Variants in NT5C2 observed in about 807,000 individuals in gnomAD.
NT5C2 encodes 5'-nucleotidase, cytosolic II.
In NT5C2, 58 loss-of-function variants were observed where a neutral mutation model predicts 76.1. That is an observed-to-expected ratio of 0.76 (90% CI 0.62 to 0.95). The LOEUF (loss-of-function observed/expected upper bound fraction) is 0.95, where lower values mean the gene tolerates loss of function less well. NT5C2 is among the 40% of genes least tolerant of loss of function. The probability of loss-of-function intolerance (pLI) is 0.00; values close to 1 mark genes in which losing one functional copy is unlikely to be tolerated. For synonymous variants in NT5C2, 229 were observed against 237.4 expected (o/e 0.96, Z 0.32); for missense variants, 478 against 690.3 (o/e 0.69, Z 3.45).
Position 103,136,452 on chromosome 10 carries a change from C to T in NT5C2, c.175+2954G>A, listed in dbSNP as rs144802797. 6.6e-5 allele frequency among the ~76,000 whole-genome samples: 10 copies of T among 152,218 alleles called. No homozygotes were observed. The East Asian group carries it at 9.6e-4, about 15-fold the overall frequency. On this transcript the variant is annotated intron_variant, in intron 4 of 18. Coordinates refer to ENST00000404739, the MANE Select transcript of NT5C2 (RefSeq NM_001351169.2). ...AATCTATGTAATAAAGCACTTGGAA[C>T]GGGTCCTGGCATATAATAAGTACTT...
At chr10:103,142,518 A>G (rs2080651259) in intron 3 of NT5C2, among the ~76,000 whole-genome samples, 1 of 152,036 alleles carries the variant, frequency 6.6e-6, no homozygotes, top group Non-Finnish European at 1.5e-5. Context: ...AAAAAATACA[A>G]AAAAAAGCTG....
At chr10:103,103,255 C>A (rs1348337669) in intron 6 of NT5C2, among the ~76,000 whole-genome samples, 1 of 152,222 alleles carries the variant, frequency 6.6e-6, no homozygotes, top group Non-Finnish European at 1.5e-5. Context: ...ATAAAAATCA[C>A]ATTAGCTCCC....
At chr10:103,183,262 G>GATATATATAT (rs201371414) in intron 1 of NT5C2, among the ~76,000 whole-genome samples, 7,389 of 73,016 alleles carry the variant, frequency 0.1, 591 homozygotes, top group African/African-American at 0.11. Flanking sequence ...GTGTGTGTGT[G>GATATATATAT]ATATATATAT....
intron 4 of NT5C2, among the ~76,000 whole-genome samples, chr10:103,129,664 G>A (rs1162349920): frequency 1.1e-5 from 1 of 88,026 alleles, no homozygotes; most frequent in Non-Finnish European, 2.5e-5. Flanking sequence ...CGCCCTGTCC[G>A]GGAGGTGAGG....
intron 4 of NT5C2, among the ~76,000 whole-genome samples, chr10:103,129,560 T>C (rs1591228581): frequency 8.9e-6 from 1 of 112,146 alleles, no homozygotes. Flanking sequence ...AGCCGCCCCG[T>C]CCGGGAGGGA....
chr10:103,090,264 C>A (rs1243280456), intron 18 of NT5C2: 2 of 335,128 alleles, frequency 6.0e-6, no homozygotes, highest in African/African-American at 2.1e-5. Context: ...GTCACCCAGG[C>A]TGGAGTACAG....
At chr10:103,120,696 G>C (rs1007278551) in intron 4 of NT5C2, among the ~76,000 whole-genome samples, 2 of 152,198 alleles carry the variant, frequency 1.3e-5, no homozygotes, top group Non-Finnish European at 2.9e-5. Flanking sequence ...TGGTGGGGAT[G>C]TAAGATGTTA....
intron 3 of NT5C2, among the ~76,000 whole-genome samples, chr10:103,161,206 C>T (rs2084786628): frequency 6.6e-6 from 1 of 152,132 alleles, no homozygotes; most frequent in Admixed American, 6.6e-5. Context: ...TAGACAAGGT[C>T]TCCCTCTGTC....
At chr10:103,134,866 C>T (rs2078889480) in intron 4 of NT5C2, among the ~76,000 whole-genome samples, 1 of 152,216 alleles carries the variant, frequency 6.6e-6, no homozygotes, top group African/African-American at 2.4e-5. Flanking sequence ...GGATGTGAGA[C>T]ACAGGGTCAA....
rs143761706 is a variant in NT5C2, at chr10:103,153,080, G to T, written c.102-13601C>A. Among the ~76,000 whole-genome samples the T allele has an allele frequency of 7.2e-4, 110 of 152,232 alleles. 1 individual carries two copies. Among genetic ancestry groups the T allele is most frequent in the African/African-American group, 2.6e-3 (107 of 41,534 alleles). ...ATCTTACAAAATTCCTATTAAGATT[G>T]CCCTTACTCAGTGCTGTCTTTCAAA... On this transcript the variant is annotated intron_variant, in intron 3 of 18. Coordinates refer to ENST00000404739, the MANE Select transcript of NT5C2 (RefSeq NM_001351169.2).
intron 3 of NT5C2, among the ~76,000 whole-genome samples, chr10:103,170,466 G>C (rs570875320): frequency 6.6e-6 from 1 of 151,000 alleles, no homozygotes; most frequent in East Asian, 1.9e-4. Flanking sequence ...CATTCCAAAT[G>C]AGTTAGGAGT....
chr10:103,096,343 A>C lies in NT5C2; in HGVS notation c.772-363T>G, dbSNP rs77593808. ...GCTACTGCCATCCCTAGACCAACTA[A>C]GTCAACAAACCAACGGTTTATGTAA... is the stretch of plus-strand genomic sequence containing the variant. On this transcript the variant is annotated intron_variant, in intron 11 of 18. Transcript: ENST00000404739. 9.3e-3 allele frequency among the ~76,000 whole-genome samples: 1,411 copies of C among 152,348 alleles called. 11 individuals carry two copies. The highest frequency in any genetic ancestry group is 0.017 in the Non-Finnish European group (1,129 of 68,030).
At chr10:103,178,242 C>G (rs2090380517) in intron 2 of NT5C2, among the ~76,000 whole-genome samples, 1 of 152,182 alleles carries the variant, frequency 6.6e-6, no homozygotes, top group Non-Finnish European at 1.5e-5. Context: ...AACGTAATAT[C>G]TAAAACTATA....
chr10:103,159,389 A>T (rs1462614897), intron 3 of NT5C2, among the ~76,000 whole-genome samples: 1 of 152,206 alleles, frequency 6.6e-6, no homozygotes, highest in East Asian at 1.9e-4. Flanking sequence ...TGAACAATCC[A>T]GAAATAAAAT....
chr10:103,148,241 T>TA (rs1334251532), intron 3 of NT5C2, among the ~76,000 whole-genome samples: 1 of 152,236 alleles, frequency 6.6e-6, no homozygotes, highest in Non-Finnish European at 1.5e-5. Flanking sequence ...AACTTCTTAC[T>TA]AATTTGTTTT....
intron 4 of NT5C2, among the ~76,000 whole-genome samples, chr10:103,119,304 G>C (rs1029620021): frequency 6.6e-6 from 1 of 152,166 alleles, no homozygotes; most frequent in Non-Finnish European, 1.5e-5. Context: ...AGGAGGCAGA[G>C]GTTGCGGTGA....
intron 4 of NT5C2, among the ~76,000 whole-genome samples, chr10:103,124,762 C>T (rs1364485829): frequency 1.3e-5 from 2 of 151,890 alleles, no homozygotes; most frequent in South Asian, 2.1e-4. Context: ...AGGTCTACCA[C>T]ACCATGAGGT....
intron 12 of NT5C2, among the ~76,000 whole-genome samples, chr10:103,095,536 T>C (rs1289785028): frequency 6.6e-6 from 1 of 152,228 alleles, no homozygotes; most frequent in African/African-American, 2.4e-5. Flanking sequence ...CAACAACTAA[T>C]ACAAAATCTA....
chr10:103,183,651 TAC>T (rs938237027), intron 1 of NT5C2, among the ~76,000 whole-genome samples: 2 of 149,502 alleles, frequency 1.3e-5, no homozygotes, highest in African/African-American at 4.9e-5. Flanking sequence ...CATACACACA[TAC>T]ACACACACAT....
Sources: allele counts gnomAD v4.1 joint callset (sites outside exome capture counted in the v4.1 genomes callset), GRCh38; gene constraint gnomAD v4.1.1; transcripts MANE v1.5; gene names NCBI Gene and HGNC (gene_info 2026-07-23, HGNC 2026-07-21).